Variants in WIPF2 observed in about 807,000 individuals in gnomAD.
WIPF2 encodes WAS/WASL interacting protein family member 2.
In WIPF2, 23 loss-of-function variants were observed where a neutral mutation model predicts 38.8. The observed-to-expected ratio is 0.59, with a 90% confidence interval of 0.43 to 0.84. The LOEUF is 0.84. WIPF2 is among the 40% of genes least tolerant of loss of function. The pLI, the probability that WIPF2 is intolerant of heterozygous loss-of-function variation, is 0.00. For synonymous variants in WIPF2, 210 were observed against 223.2 expected, an observed-to-expected ratio of 0.94 and a Z score of 0.53; for missense variants, 574 against 580.5, an observed-to-expected ratio of 0.99 and a Z score of 0.11.
At position 40,278,256 on chromosome 17, in the gene WIPF2, G is replaced by C; in HGVS notation, c.*31G>C. ...GGCTTGGTCCCGTTCCTCAGGAAAA[G>C]GATGGACCTTCTCTTCTTCTCAGAT... On this transcript the variant is annotated 3_prime_UTR_variant, in exon 8 of 8. Transcript: ENST00000323571. 6.2e-7 allele frequency: 1 copy of C among 1,611,860 alleles called. No homozygotes were observed. The highest frequency in any genetic ancestry group is 8.5e-7 in the Non-Finnish European group (1 of 1,178,920).
At chr17:40,224,580 T>C (rs1458162296) in intron 1 of WIPF2, among the ~76,000 whole-genome samples, 1 of 151,902 alleles carries the variant, frequency 6.6e-6, no homozygotes, top group East Asian at 1.9e-4. Flanking sequence ...TTTTCCATTT[T>C]TCCTATCCTG....
intron 1 of WIPF2, among the ~76,000 whole-genome samples, chr17:40,224,650 T>C (rs2030406645): frequency 6.6e-6 from 1 of 151,790 alleles, no homozygotes; most frequent in Non-Finnish European, 1.5e-5. Context: ...AAATTACACA[T>C]TTTTTCTCCC....
intron 5 of WIPF2, among the ~76,000 whole-genome samples, chr17:40,271,283 C>T (rs1040918523): frequency 2.0e-5 from 3 of 152,166 alleles, no homozygotes; most frequent in East Asian, 1.9e-4. Context: ...GCCAAGATAC[C>T]GTTTTACTAC....
In WIPF2 at chr17:40,267,594, C is replaced by T. The variant is rs138581064; in HGVS notation, c.970+2448C>T. Among the ~76,000 whole-genome samples the T allele has an allele frequency of 6.7e-3, 1,023 of 152,216 alleles. 9 individuals are homozygous for T. Among genetic ancestry groups the T allele is most frequent in the African/African-American group, 0.023 (969 of 41,540 alleles). ...TTGCTCTTTCGCCCAGGCTGGAGTG[C>T]AGTGGTGCAATCTCTGCTCATTGCA... On this transcript the variant is annotated intron_variant, in intron 5 of 7. Transcript: ENST00000323571.
chr17:40,257,357 A>G (rs1020067743), intron 2 of WIPF2, among the ~76,000 whole-genome samples: 11 of 152,158 alleles, frequency 7.2e-5, no homozygotes, highest in African/African-American at 2.4e-4. Context: ...AGCCAAGTCC[A>G]TCAAGTTGAA....
At chr17:40,234,158 G>A (rs1248408380) in intron 1 of WIPF2, among the ~76,000 whole-genome samples, 3 of 152,138 alleles carry the variant, frequency 2.0e-5, no homozygotes, top group Non-Finnish European at 4.4e-5. Context: ...CACAAGGTAA[G>A]GAGATTGAGA....
Position 40,264,699 on chromosome 17 carries a change from T to C in WIPF2, c.523T>C (p.Ser175Pro), listed in dbSNP as rs375446746. 6.2e-7 allele frequency: 1 copy of C among 1,613,082 alleles called. No homozygotes were observed. The highest frequency in any genetic ancestry group is 8.5e-7 in the Non-Finnish European group (1 of 1,179,512). Residue 175 changes from serine (S) to proline (P), a missense_variant, in exon 5 of 8, where the codon TCT becomes CCT. Physicochemically the swap from Ser to Pro is moderately conservative, Grantham distance 74 (BLOSUM62 -1). Transcript: ENST00000323571. ...CAGTACGGGCATGAAGCACAGCTCC[T>C]CTGCCCCTCCCCCACCACCCCCAGG... ...TSSTGMKHSS[S>P]APPPPPPGRR... is the part of the protein sequence containing the mutation.
chr17:40,260,108 G>A (rs1438859615), intron 2 of WIPF2, among the ~76,000 whole-genome samples: 1 of 150,648 alleles, frequency 6.6e-6, no homozygotes, highest in Non-Finnish European at 1.5e-5. Context: ...TATATCTAAT[G>A]AGGTTAGATA....
chr17:40,237,834 TG>T (rs1454757063), intron 1 of WIPF2, among the ~76,000 whole-genome samples: 2 of 141,510 alleles, frequency 1.4e-5, no homozygotes, highest in African/African-American at 2.7e-5. Flanking sequence ...TTAGTAAAGA[TG>T]GGGTTTCACC....
At chr17:40,242,794 G>T (rs2145323628) in intron 1 of WIPF2, among the ~76,000 whole-genome samples, 1 of 152,280 alleles carries the variant, frequency 6.6e-6, no homozygotes, top group Non-Finnish European at 1.5e-5. Context: ...TGTGTTATAA[G>T]GCATGACTTT....
At chr17:40,233,376 T>C (rs1166539929) in intron 1 of WIPF2, among the ~76,000 whole-genome samples, 1 of 152,044 alleles carries the variant, frequency 6.6e-6, no homozygotes, top group African/African-American at 2.4e-5. Context: ...AGGCTTATAA[T>C]TAGAAAAAAA....
intron 1 of WIPF2, among the ~76,000 whole-genome samples, chr17:40,232,468 G>T (rs2030789762): frequency 6.7e-6 from 1 of 149,974 alleles, no homozygotes; most frequent in African/African-American, 2.5e-5. Context: ...GGGATTACAG[G>T]CATGAGTACC....
intron 1 of WIPF2, among the ~76,000 whole-genome samples, chr17:40,247,365 C>A (rs1005721568): frequency 1.3e-5 from 2 of 150,000 alleles, no homozygotes; most frequent in African/African-American, 4.9e-5. Flanking sequence ...ATTACAGGTG[C>A]GTGCCACCAA....
chr17:40,237,935 G>A (rs541902906), intron 1 of WIPF2, among the ~76,000 whole-genome samples: 11 of 149,132 alleles, frequency 7.4e-5, no homozygotes, highest in Admixed American at 4.0e-4. Flanking sequence ...GTGTGGTGAC[G>A]TGCGCCTGTA....
intron 5 of WIPF2, among the ~76,000 whole-genome samples, chr17:40,269,152 C>T (rs548807441): frequency 6.6e-6 from 1 of 152,172 alleles, no homozygotes; most frequent in East Asian, 1.9e-4. Flanking sequence ...AACCCCATCT[C>T]TCTACTAAAA....
intron 1 of WIPF2, among the ~76,000 whole-genome samples, chr17:40,230,412 T>C (rs1053008200): frequency 1.3e-5 from 2 of 152,162 alleles, no homozygotes; most frequent in African/African-American, 2.4e-5. Context: ...CTTTTTTTTT[T>C]CCTGTCAGTT....
Position 40,264,762 on chromosome 17 carries a change from C to G in WIPF2, c.586C>G (p.His196Asp). 1 of 1,605,740 alleles carries G rather than the reference C, an allele frequency of 6.2e-7. No homozygotes were observed. Among genetic ancestry groups the G allele is most frequent in the Non-Finnish European group, 8.5e-7 (1 of 1,176,152 alleles). ...CGCACCCCCCACACCTCTGCCTATG[C>G]ACAGCAGCAAAGCCCCCGCCTACAA... Reference protein sequence around the residue: ...ANAPPTPLPMHSSKAPAYNRE... With the variant: ...ANAPPTPLPMDSSKAPAYNRE... Residue 196 changes from histidine to aspartate, a missense_variant, in exon 5 of 8, where the codon CAC becomes GAC. By Grantham distance (81) the His-to-Asp change is moderately conservative. Transcript: ENST00000323571.
intron 1 of WIPF2, among the ~76,000 whole-genome samples, chr17:40,253,354 G>A (rs866329235): frequency 6.6e-5 from 10 of 152,140 alleles, no homozygotes; most frequent in Admixed American, 1.3e-4. Flanking sequence ...GAGCCACCGC[G>A]CCCGGCCTAT....
At chr17:40,223,920 T>G (rs2030362698) in intron 1 of WIPF2, among the ~76,000 whole-genome samples, 1 of 151,918 alleles carries the variant, frequency 6.6e-6, no homozygotes, top group South Asian at 2.1e-4. Flanking sequence ...TTTACTTGTG[T>G]TCTCTGATTG....
Sources: allele counts gnomAD v4.1 joint callset (sites outside exome capture counted in the v4.1 genomes callset), GRCh38; gene constraint gnomAD v4.1.1; transcripts MANE v1.5; gene names NCBI Gene and HGNC (gene_info 2026-07-23, HGNC 2026-07-21).